Variants in MYH9 observed in about 807,000 individuals in gnomAD.
MYH9 encodes the protein myosin heavy chain 9, also known as myosin-9.
A neutral mutation model predicts 241.9 loss-of-function variants in MYH9; 29 were observed. The ratio of observed to expected loss-of-function variants is 0.12; its 90% CI spans 0.09 to 0.16. The LOEUF is 0.16. MYH9 is among the 10% of genes least tolerant of loss of function. MYH9 has a pLI of 1.00. For missense variants in MYH9, 1,803 were observed against 2,595.5 expected, an observed-to-expected ratio of 0.69 and a Z score of 6.63; for synonymous variants, 1,047 against 1,062.6, an observed-to-expected ratio of 0.99 and a Z score of 0.29.
chr22:36,319,802 G>A, intron 9 of MYH9, 167 bp from the exon 10 acceptor site: 2 of 723,538 alleles, frequency 2.8e-6, no homozygotes, highest in Non-Finnish European at 4.8e-6. Context: ...GGTGTGCGGT[G>A]GGCCCAGCCA....
chr22:36,356,497 C>T (rs1448878981), intron 1 of MYH9, among the ~76,000 whole-genome samples: 3 of 142,520 alleles, frequency 2.1e-5, no homozygotes, highest in African/African-American at 5.3e-5. Flanking sequence ...ACGAGAATCG[C>T]TTGAACCCAG....
chr22:36,282,397 G>C lies in MYH9; in HGVS notation c.*271C>G, dbSNP rs2016505068. ...CTTTTTGGCAAGAGAGGGCTGAGGA[G>C]CCTGCTGGTCGCTCTCTGCCTGGGC... On this transcript the variant is annotated 3_prime_UTR_variant, in exon 41 of 41. Transcript: ENST00000216181. The C allele has an allele frequency of 3.4e-6, 2 of 591,194 alleles. No individual in the cohort carries two copies. Among genetic ancestry groups the C allele is most frequent in the African/African-American group, 3.7e-5 (2 of 53,872 alleles). 36.6% of individuals were successfully genotyped at this position (591,194 alleles called of 1,614,324 possible).
intron 5 of MYH9, among the ~76,000 whole-genome samples, chr22:36,325,685 T>A (rs1291711670): frequency 6.6e-6 from 1 of 152,222 alleles, no homozygotes; most frequent in Non-Finnish European, 1.5e-5. Flanking sequence ...GGAGTCCCCA[T>A]CCACCGTGCC....
chr22:36,361,143 G>A (rs572791469), intron 1 of MYH9, among the ~76,000 whole-genome samples: 1 of 152,338 alleles, frequency 6.6e-6, no homozygotes, highest in South Asian at 2.1e-4. Context: ...CCAGGAGGTA[G>A]GAGCTGAAGA....
intron 1 of MYH9, among the ~76,000 whole-genome samples, chr22:36,354,326 T>C (rs2017817481): frequency 6.6e-6 from 1 of 152,078 alleles, no homozygotes; most frequent in Admixed American, 6.6e-5. Flanking sequence ...CCAGAACTCC[T>C]GACACCAAGG....
intron 1 of MYH9, among the ~76,000 whole-genome samples, chr22:36,370,737 C>G (rs922539913): frequency 2.0e-5 from 3 of 152,178 alleles, no homozygotes; most frequent in Non-Finnish European, 4.4e-5. Flanking sequence ...AGCCTGGGAG[C>G]TGGGAGCAGC....
chr22:36,376,754 C>T (rs1269751837), intron 1 of MYH9, among the ~76,000 whole-genome samples: 6 of 152,228 alleles, frequency 3.9e-5, no homozygotes, highest in Non-Finnish European at 7.3e-5. Context: ...CTAGGCCTCC[C>T]TGTCGCAGGC....
intron 2 of MYH9, among the ~76,000 whole-genome samples, chr22:36,343,372 C>T (rs1263757966): frequency 6.6e-6 from 1 of 151,646 alleles, no homozygotes; most frequent in Non-Finnish European, 1.5e-5. Flanking sequence ...TCCATCACTA[C>T]AAAAAATTAA....
chr22:36,304,242 C>G, intron 18 of MYH9, 87 bp from the exon 19 acceptor site: 1 of 1,398,562 alleles, frequency 7.2e-7, no homozygotes, highest in East Asian at 2.3e-5. Context: ...GGAGGTGTGC[C>G]CTTCACCCTT....
chr22:36,306,363 G>A lies in MYH9; in HGVS notation c.2037+51C>T. The A allele has an allele frequency of 6.2e-7, 1 of 1,604,902 alleles. No individual in the cohort carries two copies. The highest frequency in any genetic ancestry group is 8.5e-7 in the Non-Finnish European group (1 of 1,173,812). On this transcript the variant is annotated intron_variant, in intron 16 of 40. Transcript: ENST00000216181. The surrounding 1 kb of genome is among the most constrained non-coding windows in gnomAD (Gnocchi z 4.1). ...TGCTGGGGAGACAGACAAGGGCTGA[G>A]CACCCCACACCACAGTGCCCTGCCC... is the stretch of plus-strand genomic sequence containing the variant.
intron 14 of MYH9, 117 bp downstream of exon 14, chr22:36,311,932 C>T (rs1458024627): frequency 1.3e-5 from 16 of 1,212,162 alleles, no homozygotes; most frequent in South Asian, 7.3e-5. Context: ...GTGCAAGAAC[C>T]GTACTCAGGT....
intron 3 of MYH9, among the ~76,000 whole-genome samples, chr22:36,333,396 G>A (rs965076701): frequency 6.6e-6 from 1 of 152,202 alleles, no homozygotes; most frequent in Non-Finnish European, 1.5e-5. Context: ...TTAGACCTGT[G>A]CCCTGTTGTA....
At chr22:36,348,589 C>T (rs2017715839) in intron 2 of MYH9, among the ~76,000 whole-genome samples, 1 of 152,028 alleles carries the variant, frequency 6.6e-6, no homozygotes, top group African/African-American at 2.4e-5. Flanking sequence ...CTTCATATTT[C>T]CACCAAAACT....
chr22:36,285,931 G>A lies in MYH9; in HGVS notation c.5084C>T (p.Ala1695Val), dbSNP rs184358592. The A allele has an allele frequency of 6.2e-7, 1 of 1,611,302 alleles. No homozygotes were observed. ...LQEELAAAER[A>V]KRQAQQERDE... is the part of the protein sequence containing the mutation. Reference sequence around the variant, plus strand: ...CCGCTCCTGCTGGGCCTGGCGCTTGGCACGCTCCGCGGCTGCCAGTTCCTG... The same window carrying A: ...CCGCTCCTGCTGGGCCTGGCGCTTGACACGCTCCGCGGCTGCCAGTTCCTG... The change falls in exon 36 of 41, where the codon GCC becomes GTC. Residue 1695 changes from alanine (A) to valine (V), a missense_variant. Around this residue, in one of 11 missense-constraint regions of MYH9, gnomAD observed 876 missense variants for 1,077.8 expected, o/e 0.81. Transcript: ENST00000216181. The surrounding 1 kb of genome is among the most constrained non-coding windows in gnomAD (Gnocchi z 7.0).
rs1007085660 is a variant in MYH9, at chr22:36,353,108, T to A, written c.-19-3853A>T. On this transcript the variant is annotated intron_variant, in intron 1 of 40. Transcript: ENST00000216181. ...TATCCTGTGCCTCTGGGGGCGTGTG[T>A]GTGTGTGTGTGTGTGTGTGTGTGTA... Among the ~76,000 whole-genome samples the A allele has an allele frequency of 3.6e-3, 300 of 82,466 alleles. 1 individual carries two copies. The East Asian group carries it at 0.16, about 45-fold the overall frequency. 54.1% of individuals were successfully genotyped at this position (82,466 alleles called of 152,430 possible).
chr22:36,307,756 C>G (rs901794494), intron 15 of MYH9, among the ~76,000 whole-genome samples: 1 of 151,992 alleles, frequency 6.6e-6, no homozygotes, highest in Non-Finnish European at 1.5e-5. Flanking sequence ...GGCGTGGTGG[C>G]GGGTGCCTGT....
At chr22:36,325,819 A>G (rs897763691) in intron 5 of MYH9, among the ~76,000 whole-genome samples, 1 of 152,218 alleles carries the variant, frequency 6.6e-6, no homozygotes, top group South Asian at 2.1e-4. Flanking sequence ...CTGTCATTTC[A>G]GAGTGCACAG....
At chr22:36,333,383 A>T (rs150345487) in intron 3 of MYH9, among the ~76,000 whole-genome samples, 32 of 152,328 alleles carry the variant, frequency 2.1e-4, no homozygotes, top group Non-Finnish European at 4.3e-4. Context: ...CTCTCCTTTC[A>T]GCTTAGACCT....
Position 36,290,355 on chromosome 22 carries a change from A to AAT in MYH9, c.4345-1059_4345-1058insAT, listed in dbSNP as rs1569534849. On this transcript the variant is annotated intron_variant, in intron 31 of 40. Transcript: ENST00000216181. ...ACAGTCTCCAAAAAAAAAAAAAAAAAAAACCCAAACTATTTTAAAAAAACC... is the reference window on the plus strand; with the variant it reads ...ACAGTCTCCAAAAAAAAAAAAAAAAAATAAACCCAAACTATTTTAAAAAAACC... Among the ~76,000 whole-genome samples, 22 of 151,510 alleles carry AAT rather than the reference A, an allele frequency of 1.5e-4. 1 individual carries two copies. Among genetic ancestry groups the AAT allele is most frequent in the African/African-American group, 4.8e-4 (20 of 41,282 alleles).
Sources: gnomAD v4.1 joint callset for allele counts (sites outside exome capture counted in the v4.1 genomes callset) on GRCh38, gnomAD v4.1.1 for gene constraint, gnomAD v4.1.1 regional missense constraint, Gnocchi (gnomAD v3.1) non-coding constraint, MANE v1.5 for transcripts, NCBI Gene and HGNC (gene_info 2026-07-23, HGNC 2026-07-21) for gene names.